Variants in MSL2 observed in about 807,000 individuals in gnomAD.
MSL2 encodes MSL complex subunit 2.
A neutral mutation model predicts 35.8 loss-of-function variants in MSL2; 2 were observed. That is an observed-to-expected ratio of 0.06 (90% CI 0.02 to 0.18). MSL2 has a LOEUF of 0.18. Among genes scored for constraint, MSL2 ranks in the 10% least tolerant of loss-of-function variants. MSL2 has a pLI of 1.00. For missense variants in MSL2, 523 were observed against 706.7 expected (o/e 0.74, Z 2.95); for synonymous variants, 296 against 255.7 (o/e 1.16, Z -1.50).
chr3:136,166,769 T>C (rs1024198506), intron 1 of MSL2, among the ~76,000 whole-genome samples: 4 of 152,188 alleles, frequency 2.6e-5, no homozygotes, highest in African/African-American at 9.6e-5. Context: ...CACTCCTCCT[T>C]AGCACAGATA....
chr3:136,174,352 C>A (rs930433813), intron 1 of MSL2, among the ~76,000 whole-genome samples: 3 of 152,162 alleles, frequency 2.0e-5, no homozygotes, highest in African/African-American at 7.2e-5. Flanking sequence ...TACTGATTCC[C>A]AGCCTAGAAT....
chr3:136,182,796 G>C (rs1410418411), intron 1 of MSL2, among the ~76,000 whole-genome samples: 1 of 151,778 alleles, frequency 6.6e-6, no homozygotes, highest in Non-Finnish European at 1.5e-5. Flanking sequence ...TGATTAATTA[G>C]CACATGCGTA....
At chr3:136,172,724 C>A (rs541201389) in intron 1 of MSL2, among the ~76,000 whole-genome samples, 4 of 152,012 alleles carry the variant, frequency 2.6e-5, no homozygotes, top group African/African-American at 9.7e-5. Flanking sequence ...TGACACAGAC[C>A]CCTTTGAGAA....
At chr3:136,184,750 A>AGGGGG (rs5852838) in intron 1 of MSL2, among the ~76,000 whole-genome samples, 54 of 74,610 alleles carry the variant, frequency 7.2e-4, no homozygotes, top group African/African-American at 8.9e-4. Flanking sequence ...AAAAAAAAAA[A>AGGGGG]GGGGGGGGGG....
chr3:136,190,408 C>T (rs1940653918), intron 1 of MSL2, among the ~76,000 whole-genome samples: 1 of 152,020 alleles, frequency 6.6e-6, no homozygotes, highest in African/African-American at 2.4e-5. Context: ...TTAAATTAGC[C>T]AACCACGTGT....
intron 1 of MSL2, chr3:136,153,144 G>T: frequency 1.3e-6 from 1 of 771,278 alleles, no homozygotes; most frequent in Non-Finnish European, 1.6e-6. Flanking sequence ...GGAGGCTGAG[G>T]TGATGGCTTG....
At chr3:136,176,407 C>T (rs1046033321) in intron 1 of MSL2, among the ~76,000 whole-genome samples, 1 of 146,946 alleles carries the variant, frequency 6.8e-6, no homozygotes, top group African/African-American at 2.5e-5. Context: ...CCCAGCTACT[C>T]GGGAGGGTGA....
In MSL2 at chr3:136,153,569, C is replaced by A. The variant is rs571991932; in HGVS notation, c.143-831G>T. ...TTGGGAGGCTGAGGTGGGCGGATCA[C>A]CTGAGGTCAGGAGTTCAAGGCCAGC... On this transcript the variant is annotated intron_variant, in intron 1 of 1. Coordinates refer to ENST00000309993, the MANE Select transcript of MSL2 (RefSeq NM_018133.4). 4.6e-5 allele frequency among the ~76,000 whole-genome samples: 7 copies of A among 152,156 alleles called. No individual in the cohort carries two copies. In the East Asian group the frequency reaches 1.4e-3, roughly 29 times the overall value.
intron 1 of MSL2, among the ~76,000 whole-genome samples, chr3:136,168,529 C>T (rs896730351): frequency 6.6e-5 from 10 of 152,264 alleles, no homozygotes; most frequent in African/African-American, 2.4e-4. Flanking sequence ...CCAAACACCG[C>T]ATGTTCTCAC....
intron 1 of MSL2, among the ~76,000 whole-genome samples, chr3:136,178,864 G>A (rs917559788): frequency 6.6e-5 from 10 of 151,534 alleles, no homozygotes; most frequent in Non-Finnish European, 1.2e-4. Flanking sequence ...AACCTCACAC[G>A]TGGAGTATTC....
In MSL2 at chr3:136,152,750, A is replaced by G. The variant is rs374566316; in HGVS notation, c.143-12T>C. The G allele has an allele frequency of 1.3e-5, 21 of 1,604,454 alleles. No homozygotes were observed. The highest frequency in any genetic ancestry group is 5.1e-5 in the Admixed American group (3 of 58,282). ...TTGTAGCAAATGTCCTAAGGGGGAG[A>G]AGGAGGAAAGCAAAGATTTTAGTAA... On this transcript the variant is annotated splice_polypyrimidine_tract_variant and intron_variant, in intron 1 of 1. Coordinates refer to ENST00000309993, the MANE Select transcript of MSL2 (RefSeq NM_018133.4).
chr3:136,173,338 C>G (rs1940082297), intron 1 of MSL2, among the ~76,000 whole-genome samples: 1 of 152,142 alleles, frequency 6.6e-6, no homozygotes, highest in Non-Finnish European at 1.5e-5. Context: ...CTAGGAATCT[C>G]ATCTCTCTTT....
intron 1 of MSL2, among the ~76,000 whole-genome samples, chr3:136,190,967 G>A (rs1940670788): frequency 1.3e-5 from 2 of 152,142 alleles, no homozygotes; most frequent in South Asian, 2.1e-4. Flanking sequence ...TGAAAAACAA[G>A]CAGTGATAAT....
Position 136,195,400 on chromosome 3 carries a change from G to C in MSL2, c.-287C>G. ...CGACCACAGAGCGCAGAACGCGGCG[G>C]CTTGGGCGCTCGGGGCGGGACTCGG... On this transcript the variant is annotated 5_prime_UTR_variant, in exon 1 of 2. Transcript: ENST00000309993. The C allele has an allele frequency of 8.7e-7, 1 of 1,146,966 alleles. No individual in the cohort carries two copies. The highest frequency in any genetic ancestry group is 1.6e-5 in the African/African-American group (1 of 61,234). The allele number at this position is 1,146,966 out of a possible 1,614,324, so 71.0% of individuals were successfully genotyped here. A position where few individuals can be genotyped will look rare whatever the true frequency, so the allele number is the denominator to read the frequency against.
At chr3:136,160,655 G>A (rs1443465550) in intron 1 of MSL2, among the ~76,000 whole-genome samples, 1 of 150,562 alleles carries the variant, frequency 6.6e-6, no homozygotes, top group Non-Finnish European at 1.5e-5. Context: ...GGTGCAGCGA[G>A]CCGAGACCAT....
At chr3:136,187,605 C>T (rs1940559940) in intron 1 of MSL2, among the ~76,000 whole-genome samples, 1 of 150,142 alleles carries the variant, frequency 6.7e-6, no homozygotes, top group South Asian at 2.1e-4. Flanking sequence ...AGGAGATGGA[C>T]GTTGCAGTGA....
chr3:136,156,059 AACT>A, intron 1 of MSL2: 1 of 253,326 alleles, frequency 3.9e-6, no homozygotes, highest in Non-Finnish European at 8.0e-6. Context: ...TCCCCCAAAA[AACT>A]ACCTTTTTCA....
chr3:136,173,355 C>A (rs2108078497), intron 1 of MSL2, among the ~76,000 whole-genome samples: 1 of 152,264 alleles, frequency 6.6e-6, no homozygotes, highest in East Asian at 1.9e-4. Flanking sequence ...CTTTTGCCAA[C>A]CCACAGGTAA....
chr3:136,180,752 A>AGGAG (rs1940317605), intron 1 of MSL2, among the ~76,000 whole-genome samples: 1 of 85,910 alleles, frequency 1.2e-5, no homozygotes, highest in African/African-American at 4.7e-5. Flanking sequence ...AGAGGAGGGA[A>AGGAG]GGAGGGAAGG....
Sources: allele counts gnomAD v4.1 joint callset (sites outside exome capture counted in the v4.1 genomes callset), GRCh38; gene constraint gnomAD v4.1.1; transcripts MANE v1.5; gene names NCBI Gene and HGNC (gene_info 2026-07-23, HGNC 2026-07-21).